The following HNF1A variants were observed in gnomAD, a reference collection of about 807,000 sequenced individuals.
The protein encoded by HNF1A is HNF1 homeobox A.
Under a neutral mutation model 62.2 loss-of-function variants are expected in HNF1A, and 21 were observed. That is an observed-to-expected ratio of 0.34 (90% CI 0.24 to 0.49). HNF1A has a LOEUF of 0.49. HNF1A is among the 20% of genes least tolerant of loss of function. The pLI, the probability that HNF1A is intolerant of heterozygous loss-of-function variation, is 0.99. For synonymous variants in HNF1A, 374 were observed against 366.8 expected (o/e 1.02, Z -0.22); for missense variants, 687 against 832.3 (o/e 0.83, Z 2.15).
rs1171674494 is a variant in HNF1A at position 120,999,365 on chromosome 12, G to A, written c.1599G>A (p.Leu533=). The change falls in exon 8 of 10, where the codon CTG becomes CTA. Residue 533 remains leucine (L), a synonymous_variant. Coordinates refer to ENST00000257555, the MANE Select transcript of HNF1A (RefSeq NM_000545.8). ...CCGACACCACCAACCTGAGCGCCCT[G>A]GCCAGCCTCACGCCCACCAAGCAGG... is the stretch of plus-strand genomic sequence containing the variant. ...LITDTTNLSA[L]ASLTPTKQVF... is the part of the protein sequence containing the mutation. The A allele has an allele frequency of 2.5e-6, 4 of 1,613,876 alleles. No individual in the cohort carries two copies. The African/African-American group carries it at 4.0e-5, about 16-fold the overall frequency.
At chr12:120,980,046 G>A (rs552993298) in intron 1 of HNF1A, among the ~76,000 whole-genome samples, 16 of 152,254 alleles carry the variant, frequency 1.1e-4, no homozygotes, top group African/African-American at 2.4e-4. Context: ...ACCCTACAGC[G>A]CCTGCTTGAG....
intron 1 of HNF1A, among the ~76,000 whole-genome samples, chr12:120,986,130 T>TC (rs1876499944): frequency 6.6e-6 from 1 of 152,048 alleles, no homozygotes; most frequent in Admixed American, 6.6e-5. Context: ...GGAACCAGAG[T>TC]CCCCAGTTCC....
intron 1 of HNF1A, among the ~76,000 whole-genome samples, chr12:120,981,418 G>A (rs534439529): frequency 6.8e-4 from 103 of 152,272 alleles, no homozygotes; most frequent in Non-Finnish European, 1.4e-3. Context: ...CTCTCCTTCT[G>A]CCTCAGTTTC....
chr12:120,982,048 C>T (rs1254241621), intron 1 of HNF1A, among the ~76,000 whole-genome samples: 1 of 152,144 alleles, frequency 6.6e-6, no homozygotes, highest in Admixed American at 6.6e-5. Context: ...TCAGCTCAAA[C>T]CCCAGCGTGT....
chr12:120,986,472 C>T (rs1453292018), intron 1 of HNF1A, among the ~76,000 whole-genome samples: 1 of 152,196 alleles, frequency 6.6e-6, no homozygotes, highest in Non-Finnish European at 1.5e-5. Flanking sequence ...AATTGCTCAG[C>T]GAGGCAGGGG....
chr12:120,983,797 C>T (rs899492141), intron 1 of HNF1A, among the ~76,000 whole-genome samples: 1 of 152,096 alleles, frequency 6.6e-6, no homozygotes, highest in African/African-American at 2.4e-5. Context: ...CCACCCGCCT[C>T]GGCCTCCCAA....
Position 120,993,605 on chromosome 12 carries a change from C to T in HNF1A, c.612C>T (p.Phe204=), listed in dbSNP as rs1488789941. 6.2e-7 allele frequency: 1 copy of T among 1,614,134 alleles called. No homozygotes were observed. The highest frequency in any genetic ancestry group is 8.5e-7 in the Non-Finnish European group (1 of 1,180,016). ...LPTKKGRRNR[F]KWGPASQQIL... ...CCAAGAAGGGGCGGAGGAACCGTTT[C>T]AAGTGGGGCCCAGCATCCCAGCAGA... is the stretch of plus-strand genomic sequence containing the variant. The change falls in exon 3 of 10, where the codon TTC becomes TTT. Residue 204 remains phenylalanine, a synonymous_variant. Transcript: ENST00000257555.
intron 2 of HNF1A, 23 bp downstream of exon 2, chr12:120,989,055 A>C: frequency 6.2e-7 from 1 of 1,612,520 alleles, no homozygotes; most frequent in Non-Finnish European, 8.5e-7. Flanking sequence ...CCTACCCCGC[A>C]TCTTCCCTGG....
Position 120,996,802 on chromosome 12 carries a change from C to T in HNF1A, c.1309+60C>T. On this transcript the variant is annotated intron_variant, in intron 6 of 9. Transcript: ENST00000257555. The surrounding 1 kb of genome is among the most constrained non-coding windows in gnomAD (Gnocchi z 4.5). ...GAGGCTCATGGGGCAACCGCAGAAT[C>T]CAGGAGCTGGAAGAGCCACTGGGAC... 1 of 1,597,094 alleles carries T rather than the reference C, an allele frequency of 6.3e-7. No individual in the cohort carries two copies. The highest frequency in any genetic ancestry group is 8.5e-7 in the Non-Finnish European group (1 of 1,172,588).
At position 120,979,065 on chromosome 12, in the gene HNF1A, C is replaced by A. The variant is rs2135820348; in HGVS notation, c.297C>A (p.His99Gln). Residue 99 changes from histidine (H) to glutamine (Q), a missense_variant, in exon 1 of 10, where the codon CAC becomes CAA. Coordinates refer to ENST00000257555, the MANE Select transcript of HNF1A (RefSeq NM_000545.8). ...ACCTCAGCCCTGAGGAGGCGGCCCA[C>A]CAGAAAGCCGTGGTGGAGACCCTTC... ...LENLSPEEAAHQKAVVETLLQ... is the reference protein window; with the variant it reads ...LENLSPEEAAQQKAVVETLLQ... 1.9e-6 allele frequency: 3 copies of A among 1,611,550 alleles called. No homozygotes were observed. Among genetic ancestry groups the A allele is most frequent in the East Asian group, 2.2e-5 (1 of 44,840 alleles).
In HNF1A at chr12:120,996,569, C is replaced by A. The variant is rs371717826; in HGVS notation, c.1136C>A (p.Pro379His). The A allele has an allele frequency of 1.6e-5, 26 of 1,613,982 alleles. No homozygotes were observed. The Admixed American group carries it at 2.2e-4, about 13-fold the overall frequency. Residue 379 changes from proline to histidine, a missense_variant, in exon 6 of 10, where the codon CCT becomes CAT. Pro to His is a moderately conservative substitution (Grantham distance 77). This residue lies in a region of HNF1A where 408 missense variants were observed against 455.3 expected (regional missense o/e 0.90). Coordinates refer to ENST00000257555, the MANE Select transcript of HNF1A (RefSeq NM_000545.8). The surrounding 1 kb of genome is among the most constrained non-coding windows in gnomAD (Gnocchi z 4.5). ...TCAGCAGCTGGGGGCCCCCTCCCCC[C>A]TGTCAGCACCCTGACAGCACTGCAC... The part of the protein sequence containing the change: ...LVSAAGGPLP[P>H]VSTLTALHSL...
chr12:120,997,721 G>T (rs1445759603), intron 7 of HNF1A, 56 bp downstream of exon 7: 1 of 1,533,242 alleles, frequency 6.5e-7, no homozygotes, highest in African/African-American at 1.4e-5. Context: ...GGCTGTCAAT[G>T]GATGCAGGGG....
intron 2 of HNF1A, among the ~76,000 whole-genome samples, chr12:120,992,650 C>G (rs1876892708): frequency 1.3e-5 from 2 of 152,160 alleles, no homozygotes; most frequent in South Asian, 2.1e-4. Context: ...CAGCTCCCAG[C>G]CTGGTGTGGT....
intron 1 of HNF1A, among the ~76,000 whole-genome samples, chr12:120,987,297 A>G (rs1460089668): frequency 1.3e-5 from 2 of 151,682 alleles, no homozygotes; most frequent in South Asian, 4.2e-4. Flanking sequence ...ACACGGTGAA[A>G]CCCCGTCTCT....
Position 120,995,923 on chromosome 12 carries a change from A to T in HNF1A, c.956-339A>T, listed in dbSNP as rs538164114. On this transcript the variant is annotated intron_variant, in intron 4 of 9. Coordinates refer to ENST00000257555, the MANE Select transcript of HNF1A (RefSeq NM_000545.8). The stretch of plus-strand genomic sequence containing the variant: ...GATTTGGGTTAATTCAATTCAATTC[A>T]TTCATTTCAGATTGTATCAATTCAA... Among the ~76,000 whole-genome samples, 7 of 152,344 alleles carry T rather than the reference A, an allele frequency of 4.6e-5. No individual in the cohort carries two copies. In the East Asian group the frequency reaches 9.6e-4, roughly 21 times the overall value.
intron 1 of HNF1A, 58 bp from the exon 2 acceptor site, chr12:120,988,775 C>T (rs1374236009): frequency 6.5e-7 from 1 of 1,545,634 alleles, no homozygotes; most frequent in African/African-American, 1.4e-5. Flanking sequence ...GGACCGCAGC[C>T]CCACCTATGG....
intron 4 of HNF1A, 28 bp downstream of exon 4, chr12:120,994,433 C>T (rs904709401): frequency 1.7e-5 from 26 of 1,572,294 alleles, no homozygotes; most frequent in African/African-American, 1.6e-4. Flanking sequence ...ACAAGGGACA[C>T]GTGGGAAGGT....
chr12:120,999,552 C>G lies in HNF1A; in HGVS notation c.1693C>G (p.Leu565Val), dbSNP rs773132883. 1 of 1,613,024 alleles carries G rather than the reference C, an allele frequency of 6.2e-7. No homozygotes were observed. The highest frequency in any genetic ancestry group is 1.1e-5 in the South Asian group (1 of 91,058). Residue 565 changes from leucine to valine, a missense_variant, in exon 9 of 10, where the codon CTC becomes GTC. Leu to Val is a conservative substitution (Grantham distance 32). This residue lies in a region of HNF1A where 408 missense variants were observed against 455.3 expected (regional missense o/e 0.90). Transcript: ENST00000257555. ...LHTPASQATTLHVPSQDPASI... is the reference protein window; with the variant it reads ...LHTPASQATTVHVPSQDPASI... ...CACGCCGGCATCTCAGGCCACCACCCTCCACGTCCCCAGCCAGGACCCTGC... is the reference window on the plus strand; with the variant it reads ...CACGCCGGCATCTCAGGCCACCACCGTCCACGTCCCCAGCCAGGACCCTGC...
Position 120,979,335 on chromosome 12 carries a change from T to C in HNF1A, c.326+241T>C, listed in dbSNP as rs575098936. Reference sequence around the variant, plus strand: ...TGAGCCCAGGCCTTTAGCCCAGTCCTTGGGCAAGGGGGACATTTCCCAGGG... The same window carrying C: ...TGAGCCCAGGCCTTTAGCCCAGTCCCTGGGCAAGGGGGACATTTCCCAGGG... On this transcript the variant is annotated intron_variant, in intron 1 of 9. Coordinates refer to ENST00000257555, the MANE Select transcript of HNF1A (RefSeq NM_000545.8). 7.4e-3 allele frequency among the ~76,000 whole-genome samples: 1,126 copies of C among 152,234 alleles called. 9 individuals carry two copies. The highest frequency in any genetic ancestry group is 0.011 in the Non-Finnish European group (749 of 67,994).
Sources: allele counts gnomAD v4.1 joint callset (sites outside exome capture counted in the v4.1 genomes callset), GRCh38; gene constraint gnomAD v4.1.1; regional missense constraint gnomAD v4.1.1; non-coding constraint Gnocchi (gnomAD v3.1); transcripts MANE v1.5; gene names NCBI Gene and HGNC (gene_info 2026-07-23, HGNC 2026-07-21).